Variants in RPN2 observed in about 807,000 individuals in gnomAD.
RPN2 encodes ribophorin II.
A neutral mutation model predicts 71.4 loss-of-function variants in RPN2; 29 were observed. The observed-to-expected ratio is 0.41, with a 90% CI of 0.30 to 0.55. The LOEUF (loss-of-function observed/expected upper bound fraction) is 0.55. RPN2 is among the 20% of genes least tolerant of loss of function. The pLI, the probability that RPN2 is intolerant of heterozygous loss-of-function variation, is 0.35. For synonymous variants in RPN2, 308 were observed against 305.0 expected (o/e 1.01, Z -0.10); for missense variants, 726 against 774.1 (o/e 0.94, Z 0.74).
At chr20:37,206,596 A>G (rs531122583) in intron 6 of RPN2, among the ~76,000 whole-genome samples, 1 of 152,312 alleles carries the variant, frequency 6.6e-6, no homozygotes, top group East Asian at 1.9e-4. Context: ...AGCACCTATC[A>G]TGATGCCTGG....
At chr20:37,182,424 T>G (rs2066906553) in intron 1 of RPN2, among the ~76,000 whole-genome samples, 1 of 152,124 alleles carries the variant, frequency 6.6e-6, no homozygotes, top group African/African-American at 2.4e-5. Flanking sequence ...AGGGTCTCTC[T>G]TTCTCACCCA....
At chr20:37,202,979 C>T (rs766398562) in intron 4 of RPN2, among the ~76,000 whole-genome samples, 5 of 151,876 alleles carry the variant, frequency 3.3e-5, no homozygotes, top group Admixed American at 6.6e-5. Context: ...AGGCTGAGTG[C>T]GGTGGTGCAA....
intron 13 of RPN2, among the ~76,000 whole-genome samples, chr20:37,231,039 T>TA (rs2068229646): frequency 6.6e-6 from 1 of 151,854 alleles, no homozygotes; most frequent in Non-Finnish European, 1.5e-5. Flanking sequence ...CACAAGTTGA[T>TA]ACGTTGGAGG....
At chr20:37,212,835 A>G (rs2067707674) in intron 8 of RPN2, among the ~76,000 whole-genome samples, 1 of 152,154 alleles carries the variant, frequency 6.6e-6, no homozygotes, top group African/African-American at 2.4e-5. Context: ...AGGAGTTTTC[A>G]ATTTTAGAGA....
chr20:37,183,805 G>T (rs74991886), intron 1 of RPN2, among the ~76,000 whole-genome samples: 2 of 152,216 alleles, frequency 1.3e-5, no homozygotes, highest in Admixed American at 1.3e-4. Context: ...CTTCTTAGAG[G>T]ACAGAGAAGA....
Position 37,241,557 on chromosome 20 carries a change from G to GA in RPN2, c.*243dup. On this transcript the variant is annotated 3_prime_UTR_variant, in exon 17 of 17. Coordinates refer to ENST00000237530, the MANE Select transcript of RPN2 (RefSeq NM_002951.5). ...GCTGTGAATATTCCTAACTTACCCA[G>GA]ATGTTGCTTTTGAAAAGTTGAAATG... The GA allele has an allele frequency of 1.8e-6, 1 of 569,896 alleles. No homozygotes were observed. The highest frequency in any genetic ancestry group is 3.1e-5 in the East Asian group (1 of 31,894). 35.3% of individuals were successfully genotyped at this position (569,896 alleles called of 1,614,324 possible). A position where few individuals can be genotyped will look rare whatever the true frequency, so the allele number is the denominator to read the frequency against.
chr20:37,213,750 T>C lies in RPN2; in HGVS notation c.987-10T>C, dbSNP rs1161531041. On this transcript the variant is annotated splice_polypyrimidine_tract_variant and intron_variant, in intron 8 of 16. Coordinates refer to ENST00000237530, the MANE Select transcript of RPN2 (RefSeq NM_002951.5). ...TGAGTTCTTGCTAAGCCCATTGTCA[T>C]TCTTAACAGGGATGTTTTTGAACTA... The C allele has an allele frequency of 6.2e-7, 1 of 1,603,970 alleles. No homozygotes were observed. Among genetic ancestry groups the C allele is most frequent in the Non-Finnish European group, 8.5e-7 (1 of 1,170,780 alleles).
At chr20:37,222,887 G>T (rs1197594837) in intron 9 of RPN2, among the ~76,000 whole-genome samples, 1 of 152,182 alleles carries the variant, frequency 6.6e-6, no homozygotes, top group African/African-American at 2.4e-5. Context: ...GCCCCTCTTT[G>T]TGAAGATGTT....
intron 9 of RPN2, among the ~76,000 whole-genome samples, chr20:37,216,896 ATTGT>A (rs1039233836): frequency 6.6e-6 from 1 of 151,288 alleles, no homozygotes; most frequent in African/African-American, 2.4e-5. Context: ...TTATATTACC[ATTGT>A]TTGTTTATAT....
chr20:37,213,655 T>TCAAAAAGGAAGTCAAAAA, intron 8 of RPN2, 105 bp from the exon 9 acceptor site: 1 of 857,706 alleles, frequency 1.2e-6, no homozygotes, highest in Non-Finnish European at 2.0e-6. Flanking sequence ...GGTAAGGAGT[T>TCAAAAAGGAAGTCAAAAA]GGCTAGCCTT....
chr20:37,222,922 C>T (rs566202257), intron 9 of RPN2, among the ~76,000 whole-genome samples: 1 of 152,336 alleles, frequency 6.6e-6, no homozygotes, highest in African/African-American at 2.4e-5. Flanking sequence ...AATTCAAACA[C>T]TTTAAGAGTC....
chr20:37,233,908 T>C, intron 14 of RPN2, 112 bp from the exon 15 acceptor site: 1 of 1,132,178 alleles, frequency 8.8e-7, no homozygotes, highest in South Asian at 1.3e-5. Context: ...CCTTCTAGGA[T>C]GCATGAACTT....
At position 37,215,475 on chromosome 20, in the gene RPN2, C is replaced by T. The variant is rs1158376850; in HGVS notation, c.1092+1610C>T. ...TCCACATTCTTATAATGTTAGTTTC[C>T]TATGTTAAGAGGACTTATTTGCAAC... On this transcript the variant is annotated intron_variant, in intron 9 of 16. Coordinates refer to ENST00000237530, the MANE Select transcript of RPN2 (RefSeq NM_002951.5). 3.9e-5 allele frequency among the ~76,000 whole-genome samples: 6 copies of T among 152,290 alleles called. No individual in the cohort carries two copies. In the South Asian group the frequency reaches 1.0e-3, roughly 26 times the overall value.
intron 9 of RPN2, among the ~76,000 whole-genome samples, chr20:37,220,758 G>A (rs139840136): frequency 1.3e-3 from 200 of 152,266 alleles, no homozygotes; most frequent in Non-Finnish European, 2.1e-3. Context: ...AAAAAGTTAC[G>A]ATTTTTATTT....
intron 9 of RPN2, among the ~76,000 whole-genome samples, chr20:37,218,641 T>C (rs975602849): frequency 1.4e-4 from 22 of 152,080 alleles, no homozygotes; most frequent in African/African-American, 4.8e-4. Flanking sequence ...TTCCAGAATA[T>C]ATTTATCACC....
At chr20:37,209,176 G>A (rs142807874) in intron 7 of RPN2, among the ~76,000 whole-genome samples, 27 of 152,212 alleles carry the variant, frequency 1.8e-4, no homozygotes, top group Admixed American at 3.3e-4. Context: ...TATCTGTGTC[G>A]TACAATTGAT....
rs746550394 is a variant in RPN2, at chr20:37,232,341, A to G, written c.1627A>G (p.Asn543Asp). 6.7e-5 allele frequency: 108 copies of G among 1,614,062 alleles called. No homozygotes were observed. Among genetic ancestry groups the G allele is most frequent in the Admixed American group, 3.3e-5 (2 of 60,008 alleles). ...PEKRPPTVVS[N>D]TFTALILSPL... is the part of the protein sequence containing the mutation. ...GAAGAGGCCCCCCACCGTGGTGTCC[A>G]ATACATTCACTGCCCTGATCCTCTC... The change falls in exon 14 of 17, where the codon AAT (asparagine) becomes GAT (aspartate). Residue 543 changes from asparagine to aspartate, a missense_variant. Physicochemically the swap from Asn to Asp is conservative, Grantham distance 23 (BLOSUM62 1). Coordinates refer to ENST00000237530, the MANE Select transcript of RPN2 (RefSeq NM_002951.5).
chr20:37,186,651 G>T (rs979681714), intron 2 of RPN2, among the ~76,000 whole-genome samples: 4 of 152,134 alleles, frequency 2.6e-5, no homozygotes, highest in Non-Finnish European at 5.9e-5. Context: ...CTCAGTCTAT[G>T]TTCAGTTATC....
Position 37,232,404 on chromosome 20 carries a change from A to G in RPN2, c.1677+13A>G. The G allele has an allele frequency of 6.2e-7, 1 of 1,614,004 alleles. No individual in the cohort carries two copies. The highest frequency in any genetic ancestry group is 1.3e-5 in the African/African-American group (1 of 75,044). On this transcript the variant is annotated intron_variant, in intron 14 of 16. Transcript: ENST00000237530. ...GCTCTTCGCTCTGGTGAGTGGCTGT[A>G]ATTAGCGTGGGCAGCATGCGTCTGG...
Sources: allele counts gnomAD v4.1 joint callset (sites outside exome capture counted in the v4.1 genomes callset), GRCh38; gene constraint gnomAD v4.1.1; transcripts MANE v1.5; gene names NCBI Gene and HGNC (gene_info 2026-07-23, HGNC 2026-07-21).